Variants in KCNK9 observed in about 807,000 individuals in gnomAD.
KCNK9 encodes the protein potassium two pore domain channel subfamily K member 9, also known as potassium channel subfamily K member 9.
KCNK9 carries 1 observed loss-of-function variant against 10.8 expected under a neutral mutation model. The observed-to-expected ratio is 0.09, with a 90% CI of 0.03 to 0.44. The LOEUF is 0.44. Ranked by LOEUF, KCNK9 falls within the 20% of genes least tolerant of loss-of-function variation. The probability of loss-of-function intolerance (pLI) is 0.97; values close to 1 mark genes in which losing one functional copy is unlikely to be tolerated. For missense variants in KCNK9, 303 were observed against 515.0 expected (o/e 0.59, Z 3.98); for synonymous variants, 231 against 222.7 (o/e 1.04, Z -0.33).
chr8:139,664,766 T>C (rs1417348718), intron 1 of KCNK9, among the ~76,000 whole-genome samples: 2 of 152,196 alleles, frequency 1.3e-5, no homozygotes, highest in East Asian at 1.9e-4. Flanking sequence ...CCAGTTCTCC[T>C]TGGCCAGAGT....
chr8:139,636,619 C>A (rs1815348632), intron 1 of KCNK9, among the ~76,000 whole-genome samples: 1 of 152,196 alleles, frequency 6.6e-6, no homozygotes, highest in African/African-American at 2.4e-5. Context: ...AGAGCGAGGA[C>A]CCCCAGGAAC....
chr8:139,613,185 C>A, downstream of KCNK9, among the ~76,000 whole-genome samples: 1 of 152,196 alleles, frequency 6.6e-6, no homozygotes, highest in African/African-American at 2.4e-5. Flanking sequence ...CATGACGACA[C>A]ATTGTCCAAA....
chr8:139,658,816 G>C (rs1283892562), intron 1 of KCNK9, among the ~76,000 whole-genome samples: 1 of 152,254 alleles, frequency 6.6e-6, no homozygotes, highest in Non-Finnish European at 1.5e-5. Flanking sequence ...CTTCTGGGCT[G>C]TTCCCTGCCC....
chr8:139,601,803 T>C (rs1817376793), intron 2 of KCNK9, among the ~76,000 whole-genome samples: 1 of 152,202 alleles, frequency 6.6e-6, no homozygotes, highest in South Asian at 2.1e-4. Flanking sequence ...CCCCTCTTAC[T>C]GTTTGGGAAG....
chr8:139,695,945 C>A (rs530334726), intron 1 of KCNK9, among the ~76,000 whole-genome samples: 26 of 152,276 alleles, frequency 1.7e-4, no homozygotes, highest in Admixed American at 1.6e-3. Context: ...GCATACTGTC[C>A]CCACTCCAGG....
At chr8:139,652,074 C>T (rs548377129) in intron 1 of KCNK9, among the ~76,000 whole-genome samples, 3 of 152,288 alleles carry the variant, frequency 2.0e-5, no homozygotes, top group East Asian at 3.9e-4. Context: ...CCTGAACTTC[C>T]CCATCTTGTG....
chr8:139,676,256 C>T (rs1305436313), intron 1 of KCNK9, among the ~76,000 whole-genome samples: 2 of 152,226 alleles, frequency 1.3e-5, no homozygotes, highest in Non-Finnish European at 2.9e-5. Flanking sequence ...TACATCCTTC[C>T]CTCTTCTCCC....
chr8:139,610,501 AC>A (rs1814388203), downstream of KCNK9, among the ~76,000 whole-genome samples: 1 of 152,212 alleles, frequency 6.6e-6, no homozygotes, highest in South Asian at 2.1e-4. Flanking sequence ...TCAAGACAAG[AC>A]CCCAGGATGC....
At chr8:139,641,351 G>A (rs374318267) in intron 1 of KCNK9, among the ~76,000 whole-genome samples, 12 of 151,882 alleles carry the variant, frequency 7.9e-5, no homozygotes, top group Non-Finnish European at 1.6e-4. Flanking sequence ...GCGCTCTCCC[G>A]CCTGCAGCCA....
rs1364605084 is a variant in KCNK9 at position 139,693,750 on chromosome 8, G to C, written c.283+8960C>G. Among the ~76,000 whole-genome samples the C allele has an allele frequency of 6.6e-6, 1 of 152,168 alleles. No homozygotes were observed. Among genetic ancestry groups the C allele is most frequent in the African/African-American group, 2.4e-5 (1 of 41,438 alleles). On this transcript the variant is annotated intron_variant, in intron 1 of 1. Coordinates refer to ENST00000520439, the MANE Select transcript of KCNK9 (RefSeq NM_001282534.2). The surrounding 1 kb of genome is among the most constrained non-coding windows in gnomAD (Gnocchi z 4.1). The stretch of plus-strand genomic sequence containing the variant: ...GAACAGGGCCTGAGCGGGGCTGGAG[G>C]ATGAAAAGGGCTGCAAGCTGAGGAC...
chr8:139,622,926 A>G (rs147359182), intron 1 of KCNK9, among the ~76,000 whole-genome samples: 1 of 152,334 alleles, frequency 6.6e-6, no homozygotes, highest in Non-Finnish European at 1.5e-5. Context: ...GTGACATAGT[A>G]GCACACTATA....
rs372072804 is a variant in KCNK9, at chr8:139,646,085, A to G, written c.284-26986T>C. ...CCCATGACCAGTGGCTTGCTTTCCC[A>G]GAAGGCTCCTTGCCCCTCTACTTGT... On this transcript the variant is annotated intron_variant, in intron 1 of 1. Coordinates refer to ENST00000520439, the MANE Select transcript of KCNK9 (RefSeq NM_001282534.2). 3.0e-4 allele frequency among the ~76,000 whole-genome samples: 45 copies of G among 152,156 alleles called. No individual in the cohort carries two copies. The South Asian group carries it at 8.5e-3, about 29-fold the overall frequency.
chr8:139,667,710 T>C (rs1432316140), intron 1 of KCNK9, among the ~76,000 whole-genome samples: 1 of 150,284 alleles, frequency 6.7e-6, no homozygotes, highest in African/African-American at 2.5e-5. Context: ...AAAAAAATGG[T>C]CCTCACAACA....
At chr8:139,606,678 G>A (rs1439527972) in intron 2 of KCNK9, among the ~76,000 whole-genome samples, 2 of 152,272 alleles carry the variant, frequency 1.3e-5, no homozygotes, top group East Asian at 1.9e-4. Context: ...CAATTTCTTG[G>A]CCTGCTGGGA....
chr8:139,656,323 T>G (rs1816019333), intron 1 of KCNK9, among the ~76,000 whole-genome samples: 2 of 152,146 alleles, frequency 1.3e-5, no homozygotes, highest in Non-Finnish European at 2.9e-5. Flanking sequence ...GGCCACTAAC[T>G]CTTTGGCCCC....
chr8:139,616,133 C>T (rs929760063), downstream of KCNK9: 1 of 152,134 alleles, frequency 6.6e-6, no homozygotes, highest in Admixed American at 6.5e-5. Flanking sequence ...CAGATCACAC[C>T]CCCCAACCAT....
At chr8:139,700,755 C>T (rs1478405417) in intron 1 of KCNK9, among the ~76,000 whole-genome samples, 1 of 152,186 alleles carries the variant, frequency 6.6e-6, no homozygotes, top group Non-Finnish European at 1.5e-5. Flanking sequence ...TTAACCGTTA[C>T]AGGCATACAC....
chr8:139,610,200 C>T (rs564391773), downstream of KCNK9, among the ~76,000 whole-genome samples: 1 of 152,312 alleles, frequency 6.6e-6, no homozygotes, highest in African/African-American at 2.4e-5. Flanking sequence ...CACCAGCACT[C>T]ACCTTGACAG....
chr8:139,629,115 G>C (rs999427183), intron 1 of KCNK9, among the ~76,000 whole-genome samples: 1 of 152,218 alleles, frequency 6.6e-6, no homozygotes, highest in Non-Finnish European at 1.5e-5. Context: ...TAAATGAAGC[G>C]TCTTCATCCC....
Sources: gnomAD v4.1 joint callset for allele counts (sites outside exome capture counted in the v4.1 genomes callset) on GRCh38, gnomAD v4.1.1 for gene constraint, Gnocchi (gnomAD v3.1) non-coding constraint, MANE v1.5 for transcripts, NCBI Gene and HGNC (gene_info 2026-07-23, HGNC 2026-07-21) for gene names.